Variants in CAMKMT observed in about 807,000 individuals in gnomAD.
The protein encoded by CAMKMT is CaM KMT.
CAMKMT carries 53 observed loss-of-function variants against 48.0 expected under a neutral mutation model. That is an observed-to-expected ratio of 1.10 (90% CI 0.89 to 1.39). The LOEUF (loss-of-function observed/expected upper bound fraction) is 1.39. Ranked by LOEUF, CAMKMT falls within the 40% of genes most tolerant of loss-of-function variation. The pLI, the probability that CAMKMT is intolerant of heterozygous loss-of-function variation, is 0.00. For missense variants in CAMKMT, 428 were observed against 402.7 expected, an observed-to-expected ratio of 1.06 and a Z score of -0.54; for synonymous variants, 165 against 152.3, an observed-to-expected ratio of 1.08 and a Z score of -0.61.
chr2:44,609,085 T>C (rs1007230058), intron 3 of CAMKMT, among the ~76,000 whole-genome samples: 3 of 152,218 alleles, frequency 2.0e-5, no homozygotes, highest in African/African-American at 7.2e-5. Context: ...TTTCCACTTG[T>C]TCCTAGACCT....
At chr2:44,424,896 C>A (rs963076717) in intron 3 of CAMKMT, among the ~76,000 whole-genome samples, 1 of 152,062 alleles carries the variant, frequency 6.6e-6, no homozygotes, top group Non-Finnish European at 1.5e-5. Context: ...ACCACCTGTT[C>A]CCCAATAACT....
At chr2:44,400,687 A>T (rs1027298506) in intron 3 of CAMKMT, 1 of 151,948 alleles carries the variant, frequency 6.6e-6, no homozygotes, top group African/African-American at 2.4e-5. Flanking sequence ...CATACCATCC[A>T]TGAATGGCAA....
In CAMKMT at chr2:44,556,454, T is replaced by C. The variant is rs1342565427; in HGVS notation, c.377-147829T>C. 1.7e-4 allele frequency among the ~76,000 whole-genome samples: 6 copies of C among 35,450 alleles called. 1 individual carries two copies. The highest frequency in any genetic ancestry group is 3.2e-4 in the Non-Finnish European group (5 of 15,606). The allele number at this position is 35,450 out of a possible 152,430, so 23.3% of individuals were successfully genotyped here. A position where few individuals can be genotyped will look rare whatever the true frequency, so the allele number is the denominator to read the frequency against. Reference sequence around the variant, plus strand: ...GTGTCCAGCCAATTTTTCTTTCTTTTTTTTTTTTTTTTTTTTTTTTTTTTT... The same window carrying C: ...GTGTCCAGCCAATTTTTCTTTCTTTCTTTTTTTTTTTTTTTTTTTTTTTTT... On this transcript the variant is annotated intron_variant, in intron 3 of 10. Transcript: ENST00000378494.
chr2:44,376,789 T>C (rs1184435194), intron 2 of CAMKMT, among the ~76,000 whole-genome samples: 2 of 152,184 alleles, frequency 1.3e-5, no homozygotes, highest in African/African-American at 4.8e-5. Context: ...ATAATTAAAA[T>C]GAAGGAATAA....
chr2:44,581,705 A>G (rs375431898), intron 3 of CAMKMT, among the ~76,000 whole-genome samples: 17 of 152,372 alleles, frequency 1.1e-4, no homozygotes, highest in African/African-American at 2.6e-4. Context: ...TTTTTAAAAA[A>G]TCTAGATGGT....
intron 2 of CAMKMT, among the ~76,000 whole-genome samples, chr2:44,373,742 CATA>C (rs1397504015): frequency 6.6e-6 from 1 of 152,038 alleles, no homozygotes; most frequent in African/African-American, 2.4e-5. Flanking sequence ...AGCTTTAAAA[CATA>C]ATAGCTAAAA....
rs549564693 is a variant in CAMKMT at position 44,744,334 on chromosome 2, A to G, written c.698+638A>G. Among the ~76,000 whole-genome samples, 7 of 152,282 alleles carry G rather than the reference A, an allele frequency of 4.6e-5. No homozygotes were observed. In the South Asian group the frequency reaches 1.5e-3, roughly 32 times the overall value. ...TGCCTGCCTTTTAAAAATAATTTAC[A>G]TTCGGTATTTTGCCCTCTATTTTAG... On this transcript the variant is annotated intron_variant, in intron 8 of 10. Coordinates refer to ENST00000378494, the MANE Select transcript of CAMKMT (RefSeq NM_024766.5).
intron 3 of CAMKMT, among the ~76,000 whole-genome samples, chr2:44,512,959 A>G (rs377167155): frequency 6.6e-6 from 1 of 152,190 alleles, no homozygotes; most frequent in South Asian, 2.1e-4. Context: ...CAAAAACAAA[A>G]TATCTATTTA....
intron 3 of CAMKMT, among the ~76,000 whole-genome samples, chr2:44,478,816 T>C (rs1281170313): frequency 6.6e-6 from 1 of 151,400 alleles, no homozygotes; most frequent in South Asian, 2.1e-4. Flanking sequence ...TTCTCCTGCC[T>C]CAGCCTCCCG....
chr2:44,614,936 C>CTTTTTTTGTTTTTTT (rs1671792336), intron 3 of CAMKMT, among the ~76,000 whole-genome samples: 2 of 48,990 alleles, frequency 4.1e-5, no homozygotes, highest in East Asian at 4.6e-4. Flanking sequence ...GGTCTCCTTG[C>CTTTTTTTGTTTTTTT]TTTTTTTTTT....
At chr2:44,666,288 T>C (rs914773185) in intron 3 of CAMKMT, among the ~76,000 whole-genome samples, 1 of 152,214 alleles carries the variant, frequency 6.6e-6, no homozygotes, top group African/African-American at 2.4e-5. Flanking sequence ...TTCTAAAAAA[T>C]ACATACTGTT....
At chr2:44,677,213 C>T (rs868701881) in intron 3 of CAMKMT, among the ~76,000 whole-genome samples, 1 of 152,132 alleles carries the variant, frequency 6.6e-6, no homozygotes, top group Admixed American at 6.5e-5. Context: ...TGATTAAGAG[C>T]AGTCGGAGGG....
intron 3 of CAMKMT, among the ~76,000 whole-genome samples, chr2:44,520,982 C>G (rs1320511674): frequency 1.3e-5 from 2 of 152,218 alleles, no homozygotes; most frequent in Admixed American, 6.5e-5. Context: ...AATTAAACCT[C>G]TTTTCTTTAT....
intron 3 of CAMKMT, among the ~76,000 whole-genome samples, chr2:44,417,768 A>G (rs1683656959): frequency 6.6e-6 from 1 of 152,198 alleles, no homozygotes; most frequent in Non-Finnish European, 1.5e-5. Flanking sequence ...AGTGTATCTC[A>G]TTGCGGTTCT....
At chr2:44,717,218 A>G (rs530825268) in intron 7 of CAMKMT, among the ~76,000 whole-genome samples, 1 of 152,306 alleles carries the variant, frequency 6.6e-6, no homozygotes, top group African/African-American at 2.4e-5. Context: ...ATAGTCATAT[A>G]GAAACCTCCA....
chr2:44,479,208 AATT>A (rs2104676016), intron 3 of CAMKMT, among the ~76,000 whole-genome samples: 1 of 152,298 alleles, frequency 6.6e-6, no homozygotes, highest in Non-Finnish European at 1.5e-5. Context: ...AGATGGGACT[AATT>A]ATGGTAACAG....
chr2:44,746,217 C>T (rs343950), intron 8 of CAMKMT, among the ~76,000 whole-genome samples: 19,357 of 152,214 alleles, frequency 0.13, 1,373 homozygotes, highest in South Asian at 0.19. Flanking sequence ...CTTATTGAAG[C>T]GTTTCCAGCA....
At chr2:44,453,233 A>G (rs1287267515) in intron 3 of CAMKMT, among the ~76,000 whole-genome samples, 2 of 152,034 alleles carry the variant, frequency 1.3e-5, no homozygotes, top group Non-Finnish European at 2.9e-5. Context: ...ACATATGTGC[A>G]TATTTACTTA....
intron 3 of CAMKMT, chr2:44,676,787 C>T (rs667389): frequency 6.6e-6 from 1 of 152,000 alleles, no homozygotes; most frequent in East Asian, 1.9e-4. Context: ...TATGTTGATC[C>T]TTAAATGAAA....
Sources: allele counts gnomAD v4.1 joint callset (sites outside exome capture counted in the v4.1 genomes callset), GRCh38; gene constraint gnomAD v4.1.1; transcripts MANE v1.5; gene names NCBI Gene and HGNC (gene_info 2026-07-23, HGNC 2026-07-21).